The following NRDE2 variants were observed in gnomAD, a reference collection of about 807,000 sequenced individuals.
NRDE2 encodes NRDE-2, necessary for RNA interference, domain containing.
A neutral mutation model predicts 124.2 loss-of-function variants in NRDE2; 76 were observed. The ratio of observed to expected loss-of-function variants is 0.61; its 90% confidence interval spans 0.51 to 0.74. The LOEUF (loss-of-function observed/expected upper bound fraction) is 0.74. Ranked by LOEUF, NRDE2 falls within the 30% of genes least tolerant of loss-of-function variation. The probability of loss-of-function intolerance (pLI) is 0.00; values close to 1 mark genes in which losing one functional copy is unlikely to be tolerated. For synonymous variants in NRDE2, 489 were observed against 528.1 expected, an observed-to-expected ratio of 0.93 and a Z score of 1.01; for missense variants, 1,314 against 1,417.3, an observed-to-expected ratio of 0.93 and a Z score of 1.17.
rs759598646 is a variant in NRDE2 at position 90,298,256 on chromosome 14, T to C, written c.1666+4A>G. ...GTACACGTCTTCAATGAGAGGTGAC[T>C]TACCTGGGTTGATGACCACCCAGCC... On this transcript the variant is annotated splice_donor_region_variant and intron_variant, in intron 8 of 13. Transcript: ENST00000354366. The C allele has an allele frequency of 2.3e-5, 37 of 1,612,968 alleles. No individual in the cohort carries two copies. Among genetic ancestry groups the C allele is most frequent in the Non-Finnish European group, 2.9e-5 (34 of 1,179,764 alleles).
chr14:90,278,929 C>T (rs898239720), intron 13 of NRDE2, 133 bp downstream of exon 13: 1 of 709,064 alleles, frequency 1.4e-6, no homozygotes, highest in East Asian at 2.5e-5. Flanking sequence ...CTGGATGTAC[C>T]TTGGGACAGG....
At chr14:90,322,043 A>G in intron 1 of NRDE2, among the ~76,000 whole-genome samples, 1 of 152,124 alleles carries the variant, frequency 6.6e-6, no homozygotes, top group Non-Finnish European at 1.5e-5. Flanking sequence ...GTGACTCTTC[A>G]TCCAGTTCTC....
At chr14:90,330,746 G>A (rs1190305622) in intron 1 of NRDE2, among the ~76,000 whole-genome samples, 5 of 151,028 alleles carry the variant, frequency 3.3e-5, no homozygotes, top group African/African-American at 7.3e-5. Context: ...AGTCTGAGGC[G>A]GCAGTGAGTT....
At chr14:90,298,232 T>C in intron 8 of NRDE2, 28 bp downstream of exon 8, 1 of 1,610,074 alleles carries the variant, frequency 6.2e-7, no homozygotes, top group Non-Finnish European at 8.5e-7. Flanking sequence ...GAAACAGAAG[T>C]ACACGTCTTC....
chr14:90,285,280 A>AC (rs1359733769), intron 12 of NRDE2, among the ~76,000 whole-genome samples: 1 of 149,230 alleles, frequency 6.7e-6, no homozygotes, highest in Non-Finnish European at 1.5e-5. Context: ...TAAAAAAAAA[A>AC]AAAAAAAAAG....
Position 90,275,322 on chromosome 14 carries a change from G to A in NRDE2, c.*3014C>T, listed in dbSNP as rs770997594. On this transcript the variant is annotated 3_prime_UTR_variant, in exon 14 of 14. Transcript: ENST00000354366. ...CCTGTTCAGTGTCTGTATCGTGGGC[G>A]GGTAGCAGACTCTCAGCAACTGACT... 17 of 152,114 alleles carry A rather than the reference G, an allele frequency of 1.1e-4. No homozygotes were observed. The highest frequency in any genetic ancestry group is 5.8e-4 in the East Asian group (3 of 5,196). The allele number at this position is 152,114 out of a possible 1,614,324, so 9.4% of individuals were successfully genotyped here.
At chr14:90,297,480 A>AAC (rs1181969527) in intron 8 of NRDE2, among the ~76,000 whole-genome samples, 1 of 152,188 alleles carries the variant, frequency 6.6e-6, no homozygotes, top group East Asian at 1.9e-4. Context: ...GCTCTGTATT[A>AAC]GAGTATAAAT....
At chr14:90,301,794 T>G (rs1566691768) in intron 6 of NRDE2, 2 of 456,134 alleles carry the variant, frequency 4.4e-6, no homozygotes, top group East Asian at 1.4e-4. Context: ...CATCCTATGT[T>G]CAGAGTCGGC....
Position 90,268,471 on chromosome 14 carries a change from T to C in NRDE2, c.*9865A>G, listed in dbSNP as rs1206641040. On this transcript the variant is annotated 3_prime_UTR_variant, in exon 14 of 14. Coordinates refer to ENST00000354366, the MANE Select transcript of NRDE2 (RefSeq NM_017970.4). ...AGTAGGGAACACCGCATAGCTCTTC[T>C]CTTGAGAATGAGCAATCTCAGGGGG... 3 of 1,540,954 alleles carry C rather than the reference T, an allele frequency of 1.9e-6. No individual in the cohort carries two copies. The highest frequency in any genetic ancestry group is 2.7e-6 in the Non-Finnish European group (3 of 1,123,084).
chr14:90,326,497 T>A (rs866512367), intron 1 of NRDE2, among the ~76,000 whole-genome samples: 1 of 118,420 alleles, frequency 8.4e-6, no homozygotes, highest in Middle Eastern at 4.5e-3. Flanking sequence ...CGAGACTCTG[T>A]CTCAAAAAAA....
Position 90,324,544 on chromosome 14 carries a change from C to T in NRDE2, c.65-6431G>A, listed in dbSNP as rs535700986. Among the ~76,000 whole-genome samples the T allele has an allele frequency of 3.4e-3, 510 of 151,842 alleles. 3 individuals carry two copies. The highest frequency in any genetic ancestry group is 0.012 in the African/African-American group (494 of 41,384). Reference sequence around the variant, plus strand: ...TACAAAAATTAGCCAGGTGTGGTGGCGCACACCTGTAATCCCAGCTACTCG... The same window carrying T: ...TACAAAAATTAGCCAGGTGTGGTGGTGCACACCTGTAATCCCAGCTACTCG... On this transcript the variant is annotated intron_variant, in intron 1 of 13. Transcript: ENST00000354366.
Position 90,270,349 on chromosome 14 carries a change from C to G in NRDE2, c.*7987G>C. The G allele has an allele frequency of 6.2e-7, 1 of 1,612,520 alleles. No individual in the cohort carries two copies. The highest frequency in any genetic ancestry group is 8.5e-7 in the Non-Finnish European group (1 of 1,179,590). On this transcript the variant is annotated 3_prime_UTR_variant, in exon 14 of 14. Coordinates refer to ENST00000354366, the MANE Select transcript of NRDE2 (RefSeq NM_017970.4). ...AAGATGACCTCTCTGGTGCTGACATCAAGGTGAGAGCCTAGCCGTGTCAGC... is the reference window on the plus strand; with the variant it reads ...AAGATGACCTCTCTGGTGCTGACATGAAGGTGAGAGCCTAGCCGTGTCAGC...
intron 1 of NRDE2, among the ~76,000 whole-genome samples, chr14:90,320,948 AG>A (rs991338760): frequency 1.3e-5 from 2 of 152,168 alleles, no homozygotes; most frequent in Non-Finnish European, 2.9e-5. Flanking sequence ...TTTCCTTCTG[AG>A]GTTGGTTCCC....
At chr14:90,318,748 G>A (rs963910947) in intron 1 of NRDE2, among the ~76,000 whole-genome samples, 6 of 152,090 alleles carry the variant, frequency 3.9e-5, no homozygotes, top group African/African-American at 7.2e-5. Flanking sequence ...GCAGTGAGCC[G>A]GTATCACGCC....
intron 4 of NRDE2, among the ~76,000 whole-genome samples, chr14:90,309,506 C>T (rs1241798851): frequency 6.7e-6 from 1 of 148,766 alleles, no homozygotes; most frequent in African/African-American, 2.5e-5. Context: ...AAGAACCCTA[C>T]ACTGTCTGTC....
In NRDE2 at chr14:90,316,716, C is replaced by T. The variant is rs1885062093; in HGVS notation, c.269G>A (p.Arg90Lys). Residue 90 changes from arginine to lysine, a missense_variant, in exon 3 of 14, where the codon AGG becomes AAG. Physicochemically the swap from Arg to Lys is conservative, Grantham distance 26 (BLOSUM62 2). Coordinates refer to ENST00000354366, the MANE Select transcript of NRDE2 (RefSeq NM_017970.4). ...RKKKKEKKKK[R>K]KHQHHKKTKR... ...TGTTTTCTTATGATGCTGATGCTTCCTTTTTTTCTTTTTCTCTTTCTTCTT... is the reference window on the plus strand; with the variant it reads ...TGTTTTCTTATGATGCTGATGCTTCTTTTTTTTCTTTTTCTCTTTCTTCTT... The T allele has an allele frequency of 2.5e-6, 4 of 1,613,674 alleles. No individual in the cohort carries two copies. The Admixed American group carries it at 6.7e-5, about 27-fold the overall frequency.
intron 4 of NRDE2, among the ~76,000 whole-genome samples, chr14:90,307,407 C>T (rs1884646785): frequency 6.6e-6 from 1 of 152,000 alleles, no homozygotes; most frequent in Non-Finnish European, 1.5e-5. Flanking sequence ...AATGAAGGCA[C>T]TTTTGCTATA....
chr14:90,303,980 C>T lies in NRDE2; in HGVS notation c.960G>A (p.Glu320=), dbSNP rs142705027. 5.0e-6 allele frequency: 8 copies of T among 1,613,694 alleles called. No individual in the cohort carries two copies. The highest frequency in any genetic ancestry group is 1.1e-5 in the South Asian group (1 of 91,066). ...KVEEFNRRVR[E]NPRDTQLWMA... is the part of the protein sequence containing the mutation. ...TCCACAGCTGCGTATCCCGAGGATT[C>T]TCCCGCACCCTCCTGTTAAACTCCT... Residue 320 remains glutamate, a synonymous_variant, in exon 5 of 14, where the codon GAG becomes GAA. Transcript: ENST00000354366.
chr14:90,284,722 GAT>G (rs1358963917), intron 12 of NRDE2, among the ~76,000 whole-genome samples: 1 of 151,856 alleles, frequency 6.6e-6, no homozygotes, highest in African/African-American at 2.4e-5. Context: ...AGACCACTTG[GAT>G]ATGACTGAGT....
Sources: gnomAD v4.1 joint callset for allele counts (sites outside exome capture counted in the v4.1 genomes callset) on GRCh38, gnomAD v4.1.1 for gene constraint, MANE v1.5 for transcripts, NCBI Gene and HGNC (gene_info 2026-07-23, HGNC 2026-07-21) for gene names.